CELF2: variants seen among roughly 807,000 people sequenced by gnomAD.
CELF2 encodes the protein CUG triplet repeat RNA-binding protein 2.
Under a neutral mutation model 62.6 loss-of-function variants are expected in CELF2, and 8 were observed. The ratio of observed to expected loss-of-function variants is 0.13; its 90% CI spans 0.07 to 0.23. The LOEUF (loss-of-function observed/expected upper bound fraction) is 0.23. Ranked by LOEUF, CELF2 falls within the 10% of genes least tolerant of loss-of-function variation. The pLI, the probability that CELF2 is intolerant of heterozygous loss-of-function variation, is 1.00. For missense variants in CELF2, 333 were observed against 671.0 expected, an observed-to-expected ratio of 0.50 and a Z score of 5.56; for synonymous variants, 258 against 250.0, an observed-to-expected ratio of 1.03 and a Z score of -0.30.
At chr10:10,830,917 G>A (rs1418881326) in intron 1 of CELF2, among the ~76,000 whole-genome samples, 1 of 152,148 alleles carries the variant, frequency 6.6e-6, no homozygotes, top group Non-Finnish European at 1.5e-5. Context: ...TGTCCAATGC[G>A]TTAAAAACAA....
intron 2 of CELF2, among the ~76,000 whole-genome samples, chr10:11,196,008 G>T (rs2057368876): frequency 1.3e-5 from 2 of 149,668 alleles, no homozygotes; most frequent in East Asian, 1.9e-4. Flanking sequence ...CCACGTCCAT[G>T]GTAAAAGAGC....
the CELF2 span, among the ~76,000 whole-genome samples, chr10:10,696,533 A>G: frequency 7.2e-5 from 11 of 152,026 alleles, no homozygotes; most frequent in Admixed American, 5.9e-4. Flanking sequence ...GGCTCCACCC[A>G]GTTCGAGCTT....
At chr10:10,673,138 C>G in the CELF2 span, among the ~76,000 whole-genome samples, 1 of 152,012 alleles carries the variant, frequency 6.6e-6, no homozygotes, top group East Asian at 1.9e-4. Flanking sequence ...CTTTATATAA[C>G]TTTACCATAA....
rs2075390805 is a variant in CELF2 at position 11,187,946 on chromosome 10, T to C, written c.271+22264T>C. On this transcript the variant is annotated intron_variant, in intron 2 of 12. Transcript: ENST00000633077. ...AATACTTCCGTGCTCCGTTCCTTTG[T>C]GTAGATCCATATTTCCTTCTGGCAT... Among the ~76,000 whole-genome samples the C allele has an allele frequency of 2.0e-5, 3 of 152,188 alleles. 1 individual carries two copies.
At chr10:10,517,252 C>A in the CELF2 span, among the ~76,000 whole-genome samples, 2 of 152,090 alleles carry the variant, frequency 1.3e-5, no homozygotes, top group African/African-American at 4.8e-5. Context: ...CGGGAGGCTT[C>A]CCAGGCTGAG....
At position 11,297,938 on chromosome 10, in the gene CELF2, C is replaced by T. The variant is rs962810648; in HGVS notation, c.976+9386C>T. 4.6e-5 allele frequency among the ~76,000 whole-genome samples: 7 copies of T among 152,182 alleles called. No individual in the cohort carries two copies. The East Asian group carries it at 7.7e-4, about 17-fold the overall frequency. ...CAGAGGTTGCAGTGAGCCGAGATCA[C>T]GTCACTGCACTCCAGCCCAGGTGAC... On this transcript the variant is annotated intron_variant, in intron 9 of 12. Coordinates refer to ENST00000633077, the MANE Select transcript of CELF2 (RefSeq NM_001326342.2). This position sits in a 1 kb window ranked among gnomAD's most constrained non-coding sequence, Gnocchi z 4.4.
intron 2 of CELF2, among the ~76,000 whole-genome samples, chr10:11,208,426 G>A (rs2060959686): frequency 6.6e-6 from 1 of 152,186 alleles, no homozygotes; most frequent in South Asian, 2.1e-4. Flanking sequence ...GCATACTTAG[G>A]TTCCACAAAG....
chr10:10,577,378 T>A, the CELF2 span, among the ~76,000 whole-genome samples: 1 of 149,974 alleles, frequency 6.7e-6, no homozygotes, highest in African/African-American at 2.4e-5. Flanking sequence ...TTATTATTAT[T>A]ATTATTATTA....
chr10:10,653,094 C>T, the CELF2 span, among the ~76,000 whole-genome samples: 1 of 152,066 alleles, frequency 6.6e-6, no homozygotes, highest in East Asian at 1.9e-4. Context: ...AGACTTTAAA[C>T]CAACAAACAT....
the CELF2 span, among the ~76,000 whole-genome samples, chr10:10,670,360 T>C: frequency 5.3e-5 from 8 of 152,320 alleles, no homozygotes; most frequent in East Asian, 1.5e-3. Context: ...CACTTACCAG[T>C]TGACCAAGTT....
the CELF2 span, among the ~76,000 whole-genome samples, chr10:10,685,752 A>C: frequency 6.6e-6 from 1 of 152,336 alleles, no homozygotes; most frequent in African/African-American, 2.4e-5. Context: ...CAAGTGTGAA[A>C]GAGTCTGTTT....
chr10:10,827,813 A>C (rs1030741658), intron 1 of CELF2, among the ~76,000 whole-genome samples: 8 of 152,200 alleles, frequency 5.3e-5, no homozygotes, highest in Admixed American at 2.0e-4. Context: ...TACAAAAATA[A>C]AATAAAGCAA....
At position 11,319,829 on chromosome 10, in the gene CELF2, A is replaced by G. The variant is rs1477119179; in HGVS notation, c.1097-1360A>G. 2 of 471,100 alleles carry G rather than the reference A, an allele frequency of 4.2e-6. No homozygotes were observed. The highest frequency in any genetic ancestry group is 8.8e-6 in the Non-Finnish European group (2 of 227,044). The allele number at this position is 471,100 out of a possible 1,614,324, so 29.2% of individuals were successfully genotyped here. A position where few individuals can be genotyped will look rare whatever the true frequency, so the allele number is the denominator to read the frequency against. The stretch of plus-strand genomic sequence containing the variant: ...TTAATTGAAGAGGCGAAGTTGGCCA[A>G]ATAGAAGCACAAGTGGAGTAAACAG... On this transcript the variant is annotated intron_variant, in intron 10 of 12. Coordinates refer to ENST00000633077, the MANE Select transcript of CELF2 (RefSeq NM_001326342.2). The surrounding 1 kb of genome is among the most constrained non-coding windows in gnomAD (Gnocchi z 4.4).
intron 2 of CELF2, among the ~76,000 whole-genome samples, chr10:10,968,403 A>G (rs2050381498): frequency 6.6e-6 from 1 of 152,156 alleles, no homozygotes; most frequent in South Asian, 2.1e-4. Context: ...AAAGTTAAAT[A>G]TGCGTATATC....
rs1178026020 is a variant in CELF2 at position 11,012,555 on chromosome 10, C to T, written c.53+7115C>T. 6.6e-6 allele frequency among the ~76,000 whole-genome samples: 1 copy of T among 152,210 alleles called. No homozygotes were observed. The highest frequency in any genetic ancestry group is 2.4e-5 in the African/African-American group (1 of 41,446). On this transcript the variant is annotated intron_variant, in intron 1 of 12. Transcript: ENST00000416382. This position sits in a 1 kb window ranked among gnomAD's most constrained non-coding sequence, Gnocchi z 5.5. Reference sequence around the variant, plus strand: ...CTTCCTTTCACCCCACCTGTTGCTGCCTTCTCCGGGACCGAATGTTACGCC... The same window carrying T: ...CTTCCTTTCACCCCACCTGTTGCTGTCTTCTCCGGGACCGAATGTTACGCC...
At chr10:11,286,762 C>G (rs533626550) in intron 8 of CELF2, among the ~76,000 whole-genome samples, 1 of 152,246 alleles carries the variant, frequency 6.6e-6, no homozygotes, top group East Asian at 1.9e-4. Flanking sequence ...AGAAGTCTGC[C>G]CTTTTCTTGC....
Position 10,842,045 on chromosome 10 carries a change from T to C in CELF2, c.53+43228T>C, listed in dbSNP as rs183683152. The stretch of plus-strand genomic sequence containing the variant: ...TATATCTAAATATTTCTCATTTTTT[T>C]CTGATGCGATTGTAAATGGTATTTT... On this transcript the variant is annotated intron_variant, in intron 1 of 13. Transcript: ENST00000636488. Among the ~76,000 whole-genome samples, 210 of 152,232 alleles carry C rather than the reference T, an allele frequency of 1.4e-3. 1 individual carries two copies. Among genetic ancestry groups the C allele is most frequent in the East Asian group, 5.4e-3 (28 of 5,192 alleles).
intron 1 of CELF2, among the ~76,000 whole-genome samples, chr10:10,840,639 TC>T (rs2132497508): frequency 6.6e-6 from 1 of 152,340 alleles, no homozygotes; most frequent in South Asian, 2.1e-4. Flanking sequence ...TGTATTTTTT[TC>T]CAAACTGTGG....
the CELF2 span, among the ~76,000 whole-genome samples, chr10:10,641,698 C>G: frequency 6.6e-6 from 1 of 152,184 alleles, no homozygotes; most frequent in South Asian, 2.1e-4. Flanking sequence ...ATCTGCCCGC[C>G]TCGGCCTCCC....
Sources: gnomAD v4.1 joint callset for allele counts (sites outside exome capture counted in the v4.1 genomes callset) on GRCh38, gnomAD v4.1.1 for gene constraint, Gnocchi (gnomAD v3.1) non-coding constraint, MANE v1.5 for transcripts, NCBI Gene and HGNC (gene_info 2026-07-23, HGNC 2026-07-21) for gene names.